Variants in ALK observed in about 807,000 individuals in gnomAD.
ALK encodes the protein ALK tyrosine kinase receptor.
ALK carries 74 observed loss-of-function variants against 163.1 expected under a neutral mutation model. The ratio of observed to expected loss-of-function variants is 0.45; its 90% CI spans 0.38 to 0.55. The LOEUF is 0.55. Among genes scored for constraint, ALK ranks in the 20% least tolerant of loss-of-function variants. The pLI is 0.00. For missense variants in ALK, 2,063 were observed against 2,105.3 expected (o/e 0.98, Z 0.39); for synonymous variants, 960 against 843.2 (o/e 1.14, Z -2.40).
At chr2:29,676,413 A>G (rs138958116) in intron 3 of ALK, among the ~76,000 whole-genome samples, 28 of 152,160 alleles carry the variant, frequency 1.8e-4, no homozygotes, top group African/African-American at 6.3e-4. Flanking sequence ...TGAATATCCA[A>G]TTATTCCAGC....
rs61404862 is a variant in ALK at position 29,336,802 on chromosome 2, G to A, written c.1283-8321C>T. ...GGTGATTTATGTGTCATTTTAAAAA[G>A]GCACATTTCTATCAGCTTTCTGGCC... On this transcript the variant is annotated intron_variant, in intron 5 of 28. Transcript: ENST00000389048. Among the ~76,000 whole-genome samples the A allele has an allele frequency of 3.7e-4, 57 of 152,286 alleles. No homozygotes were observed. The East Asian group carries it at 9.6e-3, about 26-fold the overall frequency.
intron 1 of ALK, among the ~76,000 whole-genome samples, chr2:29,877,003 A>G (rs1333576759): frequency 1.3e-5 from 2 of 152,108 alleles, no homozygotes; most frequent in Non-Finnish European, 2.9e-5. Context: ...CCCAGGACTC[A>G]TAGTAAAAAT....
intron 12 of ALK, among the ~76,000 whole-genome samples, chr2:29,241,335 G>C (rs1004717570): frequency 6.6e-6 from 1 of 152,124 alleles, no homozygotes; most frequent in Non-Finnish European, 1.5e-5. Flanking sequence ...TGCCCTCTCT[G>C]AGCCCCAGCC....
intron 3 of ALK, among the ~76,000 whole-genome samples, chr2:29,666,044 A>G (rs1677503507): frequency 6.6e-6 from 1 of 152,088 alleles, no homozygotes; most frequent in South Asian, 2.1e-4. Context: ...AACAGTGCTC[A>G]TCTCTAGGCC....
At chr2:29,759,177 C>A (rs149141335) in intron 1 of ALK, among the ~76,000 whole-genome samples, 11 of 152,304 alleles carry the variant, frequency 7.2e-5, no homozygotes, top group Non-Finnish European at 1.6e-4. Context: ...TCACACAAGA[C>A]CTTTTTCTTC....
At chr2:29,705,386 C>A (rs1678878980) in intron 2 of ALK, among the ~76,000 whole-genome samples, 1 of 150,278 alleles carries the variant, frequency 6.7e-6, no homozygotes, top group Non-Finnish European at 1.5e-5. Flanking sequence ...CCACCTTGGC[C>A]CTGTGATGCA....
At chr2:29,579,957 G>A (rs755139279) in intron 3 of ALK, among the ~76,000 whole-genome samples, 1 of 152,082 alleles carries the variant, frequency 6.6e-6, no homozygotes, top group Non-Finnish European at 1.5e-5. Flanking sequence ...GATTTATGCT[G>A]GGGTTGGGCT....
At chr2:29,624,943 T>C (rs1676149869) in intron 3 of ALK, among the ~76,000 whole-genome samples, 1 of 152,080 alleles carries the variant, frequency 6.6e-6, no homozygotes, top group South Asian at 2.1e-4. Flanking sequence ...ACCTACACAC[T>C]AGGTGGGGAG....
intron 1 of ALK, among the ~76,000 whole-genome samples, chr2:29,886,071 A>G (rs1666977995): frequency 6.6e-6 from 1 of 152,172 alleles, no homozygotes; most frequent in Non-Finnish European, 1.5e-5. Flanking sequence ...CTTGAAGATA[A>G]TGAAGACCTT....
chr2:29,323,504 T>C (rs1667138518), intron 6 of ALK, among the ~76,000 whole-genome samples: 1 of 152,142 alleles, frequency 6.6e-6, no homozygotes, highest in Non-Finnish European at 1.5e-5. Flanking sequence ...CCCCTTTTCT[T>C]TCTGGCTGAC....
At chr2:29,592,655 A>C (rs1675094584) in intron 3 of ALK, among the ~76,000 whole-genome samples, 2 of 152,192 alleles carry the variant, frequency 1.3e-5, no homozygotes, top group Non-Finnish European at 2.9e-5. Flanking sequence ...ATAGTGTGTT[A>C]AACAGTGTCC....
intron 5 of ALK, among the ~76,000 whole-genome samples, chr2:29,374,524 A>G (rs1668709370): frequency 6.6e-6 from 1 of 152,214 alleles, no homozygotes; most frequent in East Asian, 1.9e-4. Flanking sequence ...CTATTGAGTG[A>G]GACACATAAA....
chr2:29,626,652 C>T (rs1676203206), intron 3 of ALK, among the ~76,000 whole-genome samples: 1 of 152,316 alleles, frequency 6.6e-6, no homozygotes, highest in African/African-American at 2.4e-5. Context: ...TCTCCCCTCC[C>T]CATGTGAGGA....
intron 4 of ALK, among the ~76,000 whole-genome samples, chr2:29,384,683 CTTATT>C (rs1228340633): frequency 1.3e-5 from 2 of 151,826 alleles, no homozygotes; most frequent in East Asian, 1.9e-4. Flanking sequence ...TATTTACTTA[CTTATT>C]TTGAGTGGTT....
chr2:29,427,037 C>CA (rs70958261), intron 4 of ALK, among the ~76,000 whole-genome samples: 30,160 of 40,020 alleles, frequency 0.75, 13,469 homozygotes, highest in South Asian at 0.89. Context: ...GACTCCGTCT[C>CA]AAAAAAAAAA....
At chr2:29,837,344 G>C (rs1665589116) in intron 1 of ALK, among the ~76,000 whole-genome samples, 1 of 152,144 alleles carries the variant, frequency 6.6e-6, no homozygotes, top group African/African-American at 2.4e-5. Flanking sequence ...GTAGGATATG[G>C]CACCAGAAAG....
intron 3 of ALK, among the ~76,000 whole-genome samples, chr2:29,593,617 T>C (rs1204158794): frequency 1.3e-5 from 2 of 152,232 alleles, no homozygotes; most frequent in African/African-American, 2.4e-5. Flanking sequence ...ATATTGGCCG[T>C]TAGCCAAGCA....
chr2:29,654,004 G>A (rs575719045), intron 3 of ALK, among the ~76,000 whole-genome samples: 1 of 152,252 alleles, frequency 6.6e-6, no homozygotes, highest in East Asian at 1.9e-4. Flanking sequence ...GTTGCGGTGA[G>A]CTGAGATGGC....
intron 20 of ALK, among the ~76,000 whole-genome samples, chr2:29,222,848 A>C (rs1362738696): frequency 5.9e-5 from 9 of 152,228 alleles, no homozygotes; most frequent in Non-Finnish European, 1.3e-4. Context: ...TCAAATGTTT[A>C]TTCATTCAAT....
Sources: allele counts gnomAD v4.1 joint callset (sites outside exome capture counted in the v4.1 genomes callset), GRCh38; gene constraint gnomAD v4.1.1; transcripts MANE v1.5; gene names NCBI Gene and HGNC (gene_info 2026-07-23, HGNC 2026-07-21).